TBC1D5: variants seen among roughly 807,000 people sequenced by gnomAD.
TBC1D5 encodes TBC1 domain family, member 5.
A neutral mutation model predicts 100.3 loss-of-function variants in TBC1D5; 75 were observed. The ratio of observed to expected loss-of-function variants is 0.75; its 90% CI spans 0.62 to 0.91. The LOEUF (loss-of-function observed/expected upper bound fraction) is 0.91, where lower values mean the gene tolerates loss of function less well. Ranked by LOEUF, TBC1D5 falls within the 40% of genes least tolerant of loss-of-function variation. The probability of loss-of-function intolerance (pLI) is 0.00; values close to 1 mark genes in which losing one functional copy is unlikely to be tolerated. For synonymous variants in TBC1D5, 323 were observed against 325.6 expected (o/e 0.99, Z 0.09); for missense variants, 910 against 942.4 (o/e 0.97, Z 0.45).
intron 2 of TBC1D5, among the ~76,000 whole-genome samples, chr3:17,594,667 G>C (rs2060452195): frequency 6.6e-6 from 1 of 152,158 alleles, no homozygotes; most frequent in Non-Finnish European, 1.5e-5. Flanking sequence ...CTTCATATCA[G>C]CATTTAAGTA....
chr3:17,440,490 A>T (rs2094628957), intron 3 of TBC1D5, among the ~76,000 whole-genome samples: 1 of 151,796 alleles, frequency 6.6e-6, no homozygotes, highest in African/African-American at 2.4e-5. Flanking sequence ...GGTGGCGTGC[A>T]CCTGTGGTCC....
chr3:17,608,417 T>C (rs1190187207), intron 2 of TBC1D5, among the ~76,000 whole-genome samples: 1 of 152,212 alleles, frequency 6.6e-6, no homozygotes, highest in Non-Finnish European at 1.5e-5. Flanking sequence ...GACATGATCG[T>C]CACTTTAGGA....
chr3:17,552,952 G>T (rs1164170204), intron 2 of TBC1D5, among the ~76,000 whole-genome samples: 1 of 152,070 alleles, frequency 6.6e-6, no homozygotes, highest in African/African-American at 2.4e-5. Flanking sequence ...GCATTTACCA[G>T]TGTTTTTGTT....
chr3:17,537,247 C>G (rs939950518), intron 2 of TBC1D5, among the ~76,000 whole-genome samples: 1 of 152,148 alleles, frequency 6.6e-6, no homozygotes, highest in Non-Finnish European at 1.5e-5. Context: ...TTAATAAAAA[C>G]CTAATGAGAG....
chr3:17,677,442 CA>C (rs2068790850), intron 1 of TBC1D5, among the ~76,000 whole-genome samples: 1 of 152,154 alleles, frequency 6.6e-6, no homozygotes, highest in Admixed American at 6.5e-5. Context: ...AGCAAAACCA[CA>C]ATGAGATACC....
intron 15 of TBC1D5, 23 bp downstream of exon 15, chr3:17,291,872 C>A (rs186951553): frequency 6.3e-7 from 1 of 1,593,156 alleles, no homozygotes; most frequent in African/African-American, 1.4e-5. Flanking sequence ...TAAAATTATG[C>A]ATACCCTACT....
chr3:17,516,655 A>AT, intron 2 of TBC1D5, among the ~76,000 whole-genome samples: 1 of 152,290 alleles, frequency 6.6e-6, no homozygotes, highest in East Asian at 1.9e-4. Flanking sequence ...CAGAGAAAGT[A>AT]TTTTTCATTC....
At chr3:17,445,413 G>A (rs896290990) in intron 3 of TBC1D5, among the ~76,000 whole-genome samples, 1 of 150,806 alleles carries the variant, frequency 6.6e-6, no homozygotes, top group African/African-American at 2.4e-5. Flanking sequence ...AAAAATATTC[G>A]TATAAAAGTG....
At chr3:17,631,056 A>AG (rs2063466311) in intron 1 of TBC1D5, among the ~76,000 whole-genome samples, 1 of 144,538 alleles carries the variant, frequency 6.9e-6, no homozygotes, top group Admixed American at 7.2e-5. Context: ...AAAAAAAAAA[A>AG]AAAAAAGTTA....
At chr3:17,166,126 A>T (rs1017015268) in intron 21 of TBC1D5, among the ~76,000 whole-genome samples, 1 of 152,150 alleles carries the variant, frequency 6.6e-6, no homozygotes, top group African/African-American at 2.4e-5. Flanking sequence ...CTGTTTTTGC[A>T]TGGCCCCCAA....
At chr3:17,319,688 G>A (rs2085146908) in intron 13 of TBC1D5, among the ~76,000 whole-genome samples, 1 of 152,052 alleles carries the variant, frequency 6.6e-6, no homozygotes, top group Non-Finnish European at 1.5e-5. Context: ...GGCTAACATG[G>A]TGAAACCCCG....
intron 8 of TBC1D5, among the ~76,000 whole-genome samples, chr3:17,398,418 T>C (rs2093563530): frequency 6.6e-6 from 1 of 152,140 alleles, no homozygotes; most frequent in South Asian, 2.1e-4. Context: ...GATGGCAGAA[T>C]CACAGCTCAT....
chr3:17,711,335 T>C (rs952636931), intron 1 of TBC1D5, among the ~76,000 whole-genome samples: 4 of 152,224 alleles, frequency 2.6e-5, no homozygotes, highest in African/African-American at 9.6e-5. Context: ...AATACATGTA[T>C]TAGTTACAGA....
In TBC1D5 at chr3:17,607,362, T is replaced by C. The variant is rs193147622; in HGVS notation, c.-36+16487A>G. ...GCTTTATATAATGACCTGTGGTAGC[T>C]TGCAGTCTCCCTCCAGCTTTTACTT... On this transcript the variant is annotated intron_variant, in intron 2 of 21. Transcript: ENST00000253692. Among the ~76,000 whole-genome samples, 155 of 152,296 alleles carry C rather than the reference T, an allele frequency of 1.0e-3. 2 individuals carry two copies. In the South Asian group the frequency reaches 0.018, roughly 18 times the overall value.
intron 2 of TBC1D5, among the ~76,000 whole-genome samples, chr3:17,571,759 C>T (rs1017645214): frequency 4.6e-5 from 7 of 151,680 alleles, no homozygotes; most frequent in African/African-American, 1.7e-4. Context: ...TTTCACCCAA[C>T]TAAAACACAT....
At chr3:17,549,688 T>A (rs1377247642) in intron 2 of TBC1D5, among the ~76,000 whole-genome samples, 1 of 152,146 alleles carries the variant, frequency 6.6e-6, no homozygotes, top group Non-Finnish European at 1.5e-5. Flanking sequence ...CCCAGCACTT[T>A]GGGAGGCCAA....
intron 18 of TBC1D5, among the ~76,000 whole-genome samples, chr3:17,209,088 C>T (rs1370106671): frequency 6.6e-6 from 1 of 152,194 alleles, no homozygotes; most frequent in Non-Finnish European, 1.5e-5. Flanking sequence ...CCAGAAACAA[C>T]CATTTTAAAT....
At chr3:17,405,602 G>A (rs747193233) in intron 5 of TBC1D5, among the ~76,000 whole-genome samples, 19 of 151,892 alleles carry the variant, frequency 1.3e-4, no homozygotes, top group Non-Finnish European at 4.4e-5. Flanking sequence ...AATGGGGGTG[G>A]CGCACAAATA....
At chr3:17,722,630 C>G (rs1261094065) in intron 1 of TBC1D5, among the ~76,000 whole-genome samples, 1 of 152,176 alleles carries the variant, frequency 6.6e-6, no homozygotes, top group Non-Finnish European at 1.5e-5. Flanking sequence ...ATACACTGTC[C>G]TCAGTGCCTT....
Sources: allele counts gnomAD v4.1 joint callset (sites outside exome capture counted in the v4.1 genomes callset), GRCh38; gene constraint gnomAD v4.1.1; transcripts MANE v1.5; gene names NCBI Gene and HGNC (gene_info 2026-07-23, HGNC 2026-07-21).